CHSY3: variants seen among roughly 807,000 people sequenced by gnomAD.
The protein encoded by CHSY3 is N-acetylgalactosaminyl-proteoglycan 3-beta-glucuronosyltransferase 3.
A neutral mutation model predicts 67.2 loss-of-function variants in CHSY3; 35 were observed. The observed-to-expected ratio is 0.52, with a 90% CI of 0.40 to 0.69. CHSY3 has a LOEUF of 0.69. Ranked by LOEUF, CHSY3 falls within the 30% of genes least tolerant of loss-of-function variation. The probability of loss-of-function intolerance (pLI) is 0.00; values close to 1 mark genes in which losing one functional copy is unlikely to be tolerated. For missense variants in CHSY3, 1,069 were observed against 1,138.5 expected (o/e 0.94, Z 0.88); for synonymous variants, 474 against 434.7 (o/e 1.09, Z -1.12).
intron 2 of CHSY3, among the ~76,000 whole-genome samples, chr5:130,066,847 G>A (rs987753081): frequency 6.6e-6 from 1 of 152,096 alleles, no homozygotes; most frequent in Admixed American, 6.6e-5. Flanking sequence ...AGGATCCGGG[G>A]TCTGTCATAG....
chr5:130,134,394 G>A (rs1768591825), intron 2 of CHSY3, among the ~76,000 whole-genome samples: 1 of 152,112 alleles, frequency 6.6e-6, no homozygotes. Flanking sequence ...AAAAAGTTTA[G>A]GATCATTTCT....
At chr5:130,127,996 G>C (rs1455661612) in intron 2 of CHSY3, among the ~76,000 whole-genome samples, 1 of 152,010 alleles carries the variant, frequency 6.6e-6, no homozygotes, top group African/African-American at 2.4e-5. Flanking sequence ...TATTCACAAA[G>C]TTTGAAGGAA....
At chr5:130,108,306 A>G (rs1258385958) in intron 2 of CHSY3, among the ~76,000 whole-genome samples, 1 of 151,574 alleles carries the variant, frequency 6.6e-6, no homozygotes, top group South Asian at 2.1e-4. Flanking sequence ...AATTCCAGAG[A>G]GCCCTTTCAA....
At chr5:130,075,358 A>T (rs1405074124) in intron 2 of CHSY3, among the ~76,000 whole-genome samples, 1 of 152,178 alleles carries the variant, frequency 6.6e-6, no homozygotes, top group Non-Finnish European at 1.5e-5. Context: ...ATTCAAAGAG[A>T]TGGGTCTCTA....
At chr5:130,057,902 G>C (rs1349381147) in intron 2 of CHSY3, among the ~76,000 whole-genome samples, 24 of 140,578 alleles carry the variant, frequency 1.7e-4, no homozygotes, top group South Asian at 4.3e-4. Flanking sequence ...CATGCACACA[G>C]AGAGAGAGAG....
At chr5:129,985,584 G>A (rs1763173041) in intron 2 of CHSY3, among the ~76,000 whole-genome samples, 2 of 151,958 alleles carry the variant, frequency 1.3e-5, no homozygotes, top group Admixed American at 1.3e-4. Flanking sequence ...TAGTTTGATA[G>A]GAATAGCATT....
At chr5:129,995,653 TC>T (rs1763517033) in intron 2 of CHSY3, among the ~76,000 whole-genome samples, 2 of 151,830 alleles carry the variant, frequency 1.3e-5, no homozygotes, top group Admixed American at 1.3e-4. Flanking sequence ...TTTCTCCCTC[TC>T]CCATGTTGGA....
intron 2 of CHSY3, among the ~76,000 whole-genome samples, chr5:130,151,074 T>C (rs1769219717): frequency 1.3e-5 from 2 of 152,316 alleles, no homozygotes; most frequent in Non-Finnish European, 2.9e-5. Context: ...AGGAACTCTG[T>C]AGTTCAGCAT....
At chr5:129,999,614 T>G (rs1763660497) in intron 2 of CHSY3, among the ~76,000 whole-genome samples, 1 of 152,156 alleles carries the variant, frequency 6.6e-6, no homozygotes, top group Non-Finnish European at 1.5e-5. Context: ...CCCTATAGTC[T>G]CATTTTGTCC....
intron 2 of CHSY3, among the ~76,000 whole-genome samples, chr5:130,088,814 C>A (rs7714625): frequency 2.0e-5 from 3 of 152,028 alleles, no homozygotes; most frequent in African/African-American, 7.2e-5. Context: ...GTCAGTGTGG[C>A]GATTCCTCAG....
intron 2 of CHSY3, among the ~76,000 whole-genome samples, chr5:130,127,344 C>T (rs1049040719): frequency 1.3e-5 from 2 of 152,134 alleles, no homozygotes; most frequent in Non-Finnish European, 2.9e-5. Context: ...ATTAAAACAA[C>T]CTGCAAGTGA....
At chr5:130,155,305 G>A (rs1415500664) in intron 2 of CHSY3, among the ~76,000 whole-genome samples, 6 of 152,178 alleles carry the variant, frequency 3.9e-5, no homozygotes, top group African/African-American at 1.4e-4. Flanking sequence ...AAGGCCCTTT[G>A]ATTTCAGTTG....
chr5:130,171,267 C>G (rs975827600), intron 2 of CHSY3, among the ~76,000 whole-genome samples: 7 of 152,088 alleles, frequency 4.6e-5, no homozygotes, highest in African/African-American at 1.7e-4. Context: ...ATGTGTATGT[C>G]AGGCTAAATC....
rs541965528 is a variant in CHSY3, at chr5:130,146,527, T to A, written c.1087-37702T>A. ...ATTAGATAGGAAAAATATGTTCTTG[T>A]GTTCTATTATACAGTAGAGTTAACC... On this transcript the variant is annotated intron_variant, in intron 2 of 2. Transcript: ENST00000305031. Among the ~76,000 whole-genome samples, 5 of 152,250 alleles carry A rather than the reference T, an allele frequency of 3.3e-5. No homozygotes were observed. In the South Asian group the frequency reaches 1.0e-3, roughly 32 times the overall value.
chr5:130,165,048 A>G (rs1307357755), intron 2 of CHSY3, among the ~76,000 whole-genome samples: 1 of 152,176 alleles, frequency 6.6e-6, no homozygotes, highest in Non-Finnish European at 1.5e-5. Context: ...GCTGGAGAGG[A>G]ATGCAAGGAC....
rs566129973 is a variant in CHSY3 at position 129,905,026 on chromosome 5, C to T, written c.197C>T (p.Pro66Leu). ...RAGAQQPLPQ[P>L]QSRPRQEQSP... The stretch of plus-strand genomic sequence containing the variant: ...GGCGCTCAGCAGCCGCTCCCCCAGC[C>T]CCAGTCCCGACCACGGCAGGAGCAG... The change falls in exon 1 of 3, where the codon CCC becomes CTC. Residue 66 changes from proline (P) to leucine (L), a missense_variant. Coordinates refer to ENST00000305031, the MANE Select transcript of CHSY3 (RefSeq NM_175856.5). The T allele has an allele frequency of 4.9e-4, 761 of 1,562,678 alleles. 4 individuals are homozygous for T. Among genetic ancestry groups the T allele is most frequent in the Non-Finnish European group, 6.2e-4 (725 of 1,160,918 alleles).
chr5:130,145,190 G>A (rs1419316775), intron 2 of CHSY3, among the ~76,000 whole-genome samples: 10 of 152,134 alleles, frequency 6.6e-5, no homozygotes, highest in Admixed American at 1.3e-4. Flanking sequence ...TGAGATTTGG[G>A]TGGAGACACA....
chr5:130,105,927 T>A (rs1369478940), intron 2 of CHSY3, among the ~76,000 whole-genome samples: 1 of 151,674 alleles, frequency 6.6e-6, no homozygotes, highest in African/African-American at 2.4e-5. Flanking sequence ...AAACTATTTT[T>A]CTCCAGTATT....
At chr5:129,951,736 T>C (rs181338298) in intron 2 of CHSY3, among the ~76,000 whole-genome samples, 249 of 152,310 alleles carry the variant, frequency 1.6e-3, no homozygotes, top group Non-Finnish European at 2.5e-3. Context: ...GTCTAAACCA[T>C]TGGCCATCTA....
Sources: allele counts gnomAD v4.1 joint callset (sites outside exome capture counted in the v4.1 genomes callset), GRCh38; gene constraint gnomAD v4.1.1; transcripts MANE v1.5; gene names NCBI Gene and HGNC (gene_info 2026-07-23, HGNC 2026-07-21).